The following AOAH variants were observed in gnomAD, a reference collection of about 807,000 sequenced individuals.
AOAH encodes the protein acyloxyacyl hydrolase.
In AOAH, 64 loss-of-function variants were observed where a neutral mutation model predicts 92.2. The ratio of observed to expected loss-of-function variants is 0.69; its 90% CI spans 0.57 to 0.86. AOAH has a LOEUF of 0.86. Ranked by LOEUF, AOAH falls within the 40% of genes least tolerant of loss-of-function variation. The pLI is 0.00. For synonymous variants in AOAH, 263 were observed against 254.5 expected, an observed-to-expected ratio of 1.03 and a Z score of -0.32; for missense variants, 656 against 694.6, an observed-to-expected ratio of 0.94 and a Z score of 0.62.
At chr7:36,705,288 G>GTCTC (rs1425074124) in intron 1 of AOAH, among the ~76,000 whole-genome samples, 2 of 152,176 alleles carry the variant, frequency 1.3e-5, no homozygotes, top group East Asian at 3.9e-4. Flanking sequence ...CTTCAGCAAA[G>GTCTC]TCTCAGGATA....
chr7:36,641,068 C>G (rs926698881), intron 4 of AOAH, among the ~76,000 whole-genome samples: 1 of 152,158 alleles, frequency 6.6e-6, no homozygotes, highest in African/African-American at 2.4e-5. Flanking sequence ...ACTCAAATCC[C>G]TCTTCACCCC....
intron 2 of AOAH, among the ~76,000 whole-genome samples, chr7:36,676,338 T>G (rs1796256762): frequency 4.6e-5 from 7 of 152,056 alleles, no homozygotes; most frequent in Admixed American, 3.3e-4. Context: ...AAACTGAAAT[T>G]AAGGAAAACA....
At chr7:36,703,483 T>G (rs1408853724) in intron 1 of AOAH, among the ~76,000 whole-genome samples, 1 of 152,132 alleles carries the variant, frequency 6.6e-6, no homozygotes, top group African/African-American at 2.4e-5. Flanking sequence ...CCATGGTGAT[T>G]TGCTGCACCC....
intron 13 of AOAH, among the ~76,000 whole-genome samples, chr7:36,555,063 A>C (rs1292522331): frequency 2.1e-5 from 3 of 145,820 alleles, no homozygotes; most frequent in Non-Finnish European, 3.0e-5. Flanking sequence ...GTCTTGTGCC[A>C]GTTTTCAAAG....
chr7:36,667,594 C>T (rs1795624530), intron 3 of AOAH, among the ~76,000 whole-genome samples: 1 of 152,166 alleles, frequency 6.6e-6, no homozygotes, highest in African/African-American at 2.4e-5. Context: ...GGGAAGATTA[C>T]CATATGTCTT....
At chr7:36,658,000 AATATTATG>A (rs1251282665) in intron 4 of AOAH, among the ~76,000 whole-genome samples, 1 of 152,154 alleles carries the variant, frequency 6.6e-6, no homozygotes, top group Non-Finnish European at 1.5e-5. Flanking sequence ...TCAAACAGAA[AATATTATG>A]ATATTATGAT....
intron 1 of AOAH, among the ~76,000 whole-genome samples, chr7:36,706,728 T>C (rs1310141562): frequency 6.6e-6 from 1 of 152,234 alleles, no homozygotes; most frequent in African/African-American, 2.4e-5. Flanking sequence ...TAACTTGCTG[T>C]AGCTTCTACA....
intron 6 of AOAH, among the ~76,000 whole-genome samples, chr7:36,624,873 A>T (rs1046839228): frequency 1.3e-5 from 2 of 152,148 alleles, no homozygotes; most frequent in Non-Finnish European, 2.9e-5. Flanking sequence ...CTGTCCCCCT[A>T]GGGATGCTGG....
chr7:36,621,715 A>T lies in AOAH; in HGVS notation c.648T>A (p.Gly216=), dbSNP rs747667757. 1 of 1,614,050 alleles carries T rather than the reference A, an allele frequency of 6.2e-7. No homozygotes were observed. Among genetic ancestry groups the T allele is most frequent in the Non-Finnish European group, 8.5e-7 (1 of 1,179,976 alleles). The change falls in exon 8 of 21, where the codon GGT becomes GGA. Residue 216 remains glycine (G), a synonymous_variant. Coordinates refer to ENST00000617537, the MANE Select transcript of AOAH (RefSeq NM_001637.4). ...CAACCAGCAGAAATAGTTACCTTCT[A>T]CCTGGGTACACTGACTCGTCGCTGT... ...CNDSDESVYP[G]RRPNNWDVHQ...
At chr7:36,710,870 C>G (rs761580857) in intron 1 of AOAH, among the ~76,000 whole-genome samples, 4 of 145,836 alleles carry the variant, frequency 2.7e-5, no homozygotes, top group African/African-American at 1.0e-4. Context: ...TAATCACAAC[C>G]CTTTTGTGTC....
chr7:36,699,882 C>T (rs1277451726), intron 1 of AOAH, among the ~76,000 whole-genome samples: 1 of 151,914 alleles, frequency 6.6e-6, no homozygotes, highest in Non-Finnish European at 1.5e-5. Context: ...AGACTAATGT[C>T]CTGGAGTTCT....
At chr7:36,584,092 T>C (rs534733517) in intron 12 of AOAH, among the ~76,000 whole-genome samples, 2 of 152,260 alleles carry the variant, frequency 1.3e-5, no homozygotes, top group Admixed American at 6.5e-5. Flanking sequence ...AAATGTTTTA[T>C]ATATTTTTGA....
At chr7:36,534,168 G>A (rs1275340876) in intron 16 of AOAH, among the ~76,000 whole-genome samples, 1 of 151,976 alleles carries the variant, frequency 6.6e-6, no homozygotes, top group African/African-American at 2.4e-5. Context: ...TTCATTGTTG[G>A]CTCCTCCTTG....
intron 13 of AOAH, among the ~76,000 whole-genome samples, chr7:36,566,637 A>C (rs969585381): frequency 5.9e-5 from 9 of 152,176 alleles, no homozygotes; most frequent in Non-Finnish European, 1.2e-4. Flanking sequence ...ATAGATAGAA[A>C]ACACCTGAAG....
chr7:36,703,096 GA>G (rs1424533819), intron 1 of AOAH, among the ~76,000 whole-genome samples: 1 of 152,098 alleles, frequency 6.6e-6, no homozygotes, highest in Non-Finnish European at 1.5e-5. Flanking sequence ...ATTTTATCAT[GA>G]GATTGCAGCA....
At chr7:36,587,271 C>CAAAAAA (rs57475443) in intron 12 of AOAH, among the ~76,000 whole-genome samples, 6 of 84,902 alleles carry the variant, frequency 7.1e-5, no homozygotes, top group South Asian at 4.0e-4. Context: ...GACTCCGTCT[C>CAAAAAA]AAAAAAAAAA....
chr7:36,648,172 G>A (rs1217000246), intron 4 of AOAH, among the ~76,000 whole-genome samples: 1 of 152,060 alleles, frequency 6.6e-6, no homozygotes, highest in Non-Finnish European at 1.5e-5. Context: ...AGAGTTTTAA[G>A]CCTTCAAATA....
intron 1 of AOAH, among the ~76,000 whole-genome samples, chr7:36,713,339 A>T (rs548181295): frequency 2.6e-3 from 398 of 152,184 alleles, no homozygotes; most frequent in African/African-American, 9.2e-3. Flanking sequence ...AAGTCCTTAG[A>T]GACCTACAAA....
intron 11 of AOAH, among the ~76,000 whole-genome samples, chr7:36,611,909 G>C (rs530989526): frequency 7.2e-5 from 11 of 152,278 alleles, no homozygotes; most frequent in Admixed American, 6.5e-4. Flanking sequence ...TCAGGATTAC[G>C]CTGACAGGCA....
Sources: gnomAD v4.1 joint callset for allele counts (sites outside exome capture counted in the v4.1 genomes callset) on GRCh38, gnomAD v4.1.1 for gene constraint, MANE v1.5 for transcripts, NCBI Gene and HGNC (gene_info 2026-07-23, HGNC 2026-07-21) for gene names.